C16orf46: variants seen among roughly 807,000 people sequenced by gnomAD.
C16orf46 encodes the protein chromosome 16 open reading frame 46, also known as uncharacterized protein C16orf46.
In C16orf46, 7 loss-of-function variants were observed where a neutral mutation model predicts 5.5. The ratio of observed to expected loss-of-function variants is 1.28; its 90% CI spans 0.73 to 2.40. The LOEUF (loss-of-function observed/expected upper bound fraction) is 2.40, where lower values mean the gene tolerates loss of function less well. Among genes scored for constraint, C16orf46 ranks in the 30% most tolerant of loss-of-function variants. C16orf46 has a pLI of 0.00. For missense variants in C16orf46, 614 were observed against 476.0 expected (o/e 1.29, Z -2.70); for synonymous variants, 200 against 184.1 (o/e 1.09, Z -0.70).
At chr16:81,073,535 T>C (rs1706171811) in intron 1 of C16orf46, among the ~76,000 whole-genome samples, 1 of 152,164 alleles carries the variant, frequency 6.6e-6, no homozygotes, top group South Asian at 2.1e-4. Context: ...CATCCACAAA[T>C]ATGTTATATT....
chr16:81,067,678 G>A (rs144263795), intron 1 of C16orf46, among the ~76,000 whole-genome samples: 222 of 152,034 alleles, frequency 1.5e-3, no homozygotes, highest in African/African-American at 5.1e-3. Flanking sequence ...TCAGCCTCCC[G>A]AGTAGCTGGG....
downstream of C16orf46, chr16:81,060,978 A>G: frequency 1.4e-6 from 2 of 1,382,094 alleles, no homozygotes; most frequent in African/African-American, 1.5e-5. Flanking sequence ...CCAACAATCC[A>G]CTGAGGTTCA....
At chr16:81,068,543 A>C (rs988179296) in intron 1 of C16orf46, among the ~76,000 whole-genome samples, 6 of 150,074 alleles carry the variant, frequency 4.0e-5, no homozygotes, top group Admixed American at 3.4e-4. Flanking sequence ...ATGGTACAGA[A>C]AGGGCCTTTG....
At chr16:81,071,255 G>A (rs1328308099) in intron 1 of C16orf46, among the ~76,000 whole-genome samples, 3 of 152,180 alleles carry the variant, frequency 2.0e-5, no homozygotes, top group East Asian at 3.8e-4. Context: ...CCAGTGTCAT[G>A]GGGAAGCTCC....
chr16:81,064,644 G>A (rs1365136833), intron 2 of C16orf46, among the ~76,000 whole-genome samples: 1 of 151,940 alleles, frequency 6.6e-6, no homozygotes, highest in Non-Finnish European at 1.5e-5. Context: ...CTACTTGGGA[G>A]GCTGAGGCAG....
At chr16:81,071,135 G>T (rs1356180597) in intron 1 of C16orf46, among the ~76,000 whole-genome samples, 1 of 152,080 alleles carries the variant, frequency 6.6e-6, no homozygotes, top group Non-Finnish European at 1.5e-5. Flanking sequence ...TTCTGACCTC[G>T]TGAGACTCTG....
downstream of C16orf46, among the ~76,000 whole-genome samples, chr16:81,057,392 T>C (rs1209250703): frequency 2.0e-5 from 3 of 151,798 alleles, no homozygotes; most frequent in African/African-American, 2.4e-5. Flanking sequence ...CTACTAAAAA[T>C]ACAAAAATTA....
intron 1 of C16orf46, among the ~76,000 whole-genome samples, chr16:81,070,826 A>G (rs1404396074): frequency 2.0e-5 from 3 of 152,018 alleles, no homozygotes; most frequent in African/African-American, 7.2e-5. Context: ...TAGCTTTATG[A>G]TCTTATAAGT....
rs147533255 is a variant in C16orf46, at chr16:81,061,397, C to G, written c.952G>C (p.Val318Leu). 89 of 1,614,060 alleles carry G rather than the reference C, an allele frequency of 5.5e-5. No individual in the cohort carries two copies. The Middle Eastern group carries it at 1.2e-3, about 21-fold the overall frequency. The change falls in exon 4 of 4, where the codon GTT becomes CTT. Residue 318 changes from valine to leucine, a missense_variant. Val to Leu is a conservative substitution (Grantham distance 32). Transcript: ENST00000299578. The part of the protein sequence containing the change: ...NLACPPDPSN[V>L]RYLAALQLLQ... ...AGCTGCAAGGCAGCAAGGTAGCGAA[C>G]GTTGCTGGGGTCTGGAGGGCACGCC...
chr16:81,061,437 C>A lies in C16orf46; in HGVS notation c.912G>T (p.Leu304=). The A allele has an allele frequency of 6.2e-7, 1 of 1,614,158 alleles. No homozygotes were observed. The change falls in exon 4 of 4, where the codon CTG becomes CTT. Residue 304 remains leucine, a synonymous_variant. Transcript: ENST00000299578. ...GAGGGCACGCCAGGTTTTTCTCAGA[C>A]AGGAGGGACCAATGCAGGCAGCGCT... is the stretch of plus-strand genomic sequence containing the variant. The part of the protein sequence containing the change: ...PEQRCLHWSL[L]SEKNLACPPD...
chr16:81,058,648 C>T (rs1027540502), downstream of C16orf46, among the ~76,000 whole-genome samples: 31 of 152,202 alleles, frequency 2.0e-4, no homozygotes, highest in African/African-American at 7.2e-4. Context: ...CAATTTTAAA[C>T]AGTCAGTTAT....
chr16:81,067,450 C>T (rs920824025), intron 1 of C16orf46, among the ~76,000 whole-genome samples: 11 of 152,136 alleles, frequency 7.2e-5, no homozygotes, highest in Non-Finnish European at 1.0e-4. Flanking sequence ...ATGATGTTAT[C>T]GGAGAGCTCC....
chr16:81,054,332 C>T (rs1420846044), intron 3 of C16orf46, among the ~76,000 whole-genome samples: 1 of 151,282 alleles, frequency 6.6e-6, no homozygotes, highest in Non-Finnish European at 1.5e-5. Flanking sequence ...AACGTGAGCC[C>T]ACCGAAATTA....
chr16:81,061,772 C>T lies in C16orf46; in HGVS notation c.577G>A (p.Ala193Thr), dbSNP rs1971486912. The change falls in exon 4 of 4, where the codon GCC becomes ACC. Residue 193 changes from alanine (A) to threonine (T), a missense_variant. Coordinates refer to ENST00000299578, the MANE Select transcript of C16orf46 (RefSeq NM_152337.3). The part of the protein sequence containing the change: ...GKASGNPSGG[A>T]HRGLSIPGPL... Reference sequence around the variant, plus strand: ...CCTGGGATGGACAGCCCTCTGTGGGCCCCTCCACTGGGATTCCCAGAGGCC... The same window carrying T: ...CCTGGGATGGACAGCCCTCTGTGGGTCCCTCCACTGGGATTCCCAGAGGCC... 6.2e-7 allele frequency: 1 copy of T among 1,613,776 alleles called. No homozygotes were observed. The highest frequency in any genetic ancestry group is 1.1e-5 in the South Asian group (1 of 91,066).
chr16:81,063,756 C>T lies in C16orf46; in HGVS notation c.200G>A (p.Trp67Ter). 6.2e-7 allele frequency: 1 copy of T among 1,612,550 alleles called. No homozygotes were observed. Among genetic ancestry groups the T allele is most frequent in the Non-Finnish European group, 8.5e-7 (1 of 1,178,794 alleles). Residue 67 changes from tryptophan (W) to a stop codon, truncating the protein, a stop_gained, in exon 3 of 4, where the codon TGG becomes TAG. Coordinates refer to ENST00000299578, the MANE Select transcript of C16orf46 (RefSeq NM_152337.3). LOFTEE classifies it low-confidence loss of function (END_TRUNC). ...KAKEFIIGTG[W>*]EEAVQGWGRT... is the part of the protein sequence containing the mutation. The stretch of plus-strand genomic sequence containing the variant: ...CAGAAAGATACTCACTGCCTCTTCC[C>T]ATCCAGTTCCAATAATAAACTCTTT...
chr16:81,053,904 G>C lies in C16orf46; in HGVS notation c.*167C>G, dbSNP rs1971218102. On this transcript the variant is annotated 3_prime_UTR_variant, in exon 4 of 4. Transcript: ENST00000378611. Reference sequence around the variant, plus strand: ...CGATGACCATGGCAGGTGTAAATAAGACCTTGCTCCAAACGTGGCGTCTTC... The same window carrying C: ...CGATGACCATGGCAGGTGTAAATAACACCTTGCTCCAAACGTGGCGTCTTC... 5 of 662,844 alleles carry C rather than the reference G, an allele frequency of 7.5e-6. 1 individual carries two copies. The highest frequency in any genetic ancestry group is 1.3e-5 in the Non-Finnish European group (5 of 388,300). 41.1% of individuals were successfully genotyped at this position (662,844 alleles called of 1,614,324 possible).
downstream of C16orf46, chr16:81,060,876 G>A (rs950264389): frequency 2.6e-6 from 2 of 762,086 alleles, no homozygotes; most frequent in African/African-American, 3.6e-5. Context: ...AGCAGGCAGA[G>A]GCTGGGGCTG....
chr16:81,074,495 C>T (rs1160743874), intron 1 of C16orf46, among the ~76,000 whole-genome samples: 1 of 152,106 alleles, frequency 6.6e-6, no homozygotes, highest in Non-Finnish European at 1.5e-5. Context: ...TGAGATTCTC[C>T]TGCCTCAGCC....
chr16:81,071,815 G>GA (rs1181949962), intron 1 of C16orf46, among the ~76,000 whole-genome samples: 1 of 152,054 alleles, frequency 6.6e-6, no homozygotes, highest in Non-Finnish European at 1.5e-5. Flanking sequence ...TTATAAATGA[G>GA]AAAAAAAATG....
Sources: gnomAD v4.1 joint callset for allele counts (sites outside exome capture counted in the v4.1 genomes callset) on GRCh38, gnomAD v4.1.1 for gene constraint, MANE v1.5 for transcripts, NCBI Gene and HGNC (gene_info 2026-07-23, HGNC 2026-07-21) for gene names.